The following CCDC28B variants were observed in gnomAD, a reference collection of about 807,000 sequenced individuals.
CCDC28B encodes coiled-coil domain containing 28B, also known as coiled-coil domain-containing protein 28B.
In CCDC28B, 17 loss-of-function variants were observed where a neutral mutation model predicts 18.7. The observed-to-expected ratio is 0.91, with a 90% confidence interval of 0.62 to 1.36. The LOEUF (loss-of-function observed/expected upper bound fraction) is 1.36, where lower values mean the gene tolerates loss of function less well. Among genes scored for constraint, CCDC28B ranks in the 40% most tolerant of loss-of-function variants. The probability of loss-of-function intolerance (pLI) is 0.00; values close to 1 mark genes in which losing one functional copy is unlikely to be tolerated. For missense variants in CCDC28B, 213 were observed against 251.7 expected, an observed-to-expected ratio of 0.85 and a Z score of 1.04; for synonymous variants, 116 against 105.1, an observed-to-expected ratio of 1.10 and a Z score of -0.64.
At chr1:32,202,292 T>C (rs1278063722) in intron 2 of CCDC28B, 193 bp downstream of exon 2, 2 of 730,834 alleles carry the variant, frequency 2.7e-6, no homozygotes, top group Non-Finnish European at 2.4e-6. Context: ...GCCAGGTGGG[T>C]CACTGGGATC....
At position 32,205,135 on chromosome 1, in the gene CCDC28B, G is replaced by C; in HGVS notation, c.549-59G>C. ...TGAGGGAACTAAACCTGTGCAAGATGGGAGACCGGGGTGGGAGGAAGGACT... is the reference window on the plus strand; with the variant it reads ...TGAGGGAACTAAACCTGTGCAAGATCGGAGACCGGGGTGGGAGGAAGGACT... On this transcript the variant is annotated intron_variant, in intron 5 of 5. Coordinates refer to ENST00000373602, the MANE Select transcript of CCDC28B (RefSeq NM_024296.5). The surrounding 1 kb of genome is among the most constrained non-coding windows in gnomAD (Gnocchi z 5.6). The C allele has an allele frequency of 6.3e-7, 1 of 1,598,706 alleles. No individual in the cohort carries two copies. Among genetic ancestry groups the C allele is most frequent in the Non-Finnish European group, 8.6e-7 (1 of 1,168,810 alleles).
Position 32,205,314 on chromosome 1 carries a change from G to A in CCDC28B, c.*66G>A. 6.7e-7 allele frequency: 1 copy of A among 1,492,252 alleles called. No homozygotes were observed. The highest frequency in any genetic ancestry group is 9.0e-7 in the Non-Finnish European group (1 of 1,106,224). The allele number at this position is 1,492,252 out of a possible 1,614,324, so 92.4% of individuals were successfully genotyped here. A position where few individuals can be genotyped will look rare whatever the true frequency, so the allele number is the denominator to read the frequency against. The stretch of plus-strand genomic sequence containing the variant: ...AAACTGTGACTTTTTACAGACTCGG[G>A]CGGGTGTTCTGCGGCCCCCCAGGTG... On this transcript the variant is annotated 3_prime_UTR_variant, in exon 6 of 6. Coordinates refer to ENST00000373602, the MANE Select transcript of CCDC28B (RefSeq NM_024296.5). The surrounding 1 kb of genome is among the most constrained non-coding windows in gnomAD (Gnocchi z 5.6).
chr1:32,205,279 C>T lies in CCDC28B; in HGVS notation c.*31C>T. On this transcript the variant is annotated 3_prime_UTR_variant, in exon 6 of 6. Coordinates refer to ENST00000373602, the MANE Select transcript of CCDC28B (RefSeq NM_024296.5). The surrounding 1 kb of genome is among the most constrained non-coding windows in gnomAD (Gnocchi z 5.6). ...CCACGCAGGCCCACACTGCCCCTCTCATTCTCTTCAAACTGTGACTTTTTA... is the reference window on the plus strand; with the variant it reads ...CCACGCAGGCCCACACTGCCCCTCTTATTCTCTTCAAACTGTGACTTTTTA... 1 of 1,585,896 alleles carries T rather than the reference C, an allele frequency of 6.3e-7. No individual in the cohort carries two copies. The highest frequency in any genetic ancestry group is 8.6e-7 in the Non-Finnish European group (1 of 1,163,188).
chr1:32,198,470 C>A (rs1048260995), upstream of CCDC28B, among the ~76,000 whole-genome samples: 1 of 152,250 alleles, frequency 6.6e-6, no homozygotes, highest in Admixed American at 6.5e-5. Flanking sequence ...TTCACTTGAG[C>A]TGCCTGAGTG....
chr1:32,198,711 C>T (rs944431724), upstream of CCDC28B, among the ~76,000 whole-genome samples: 2 of 152,124 alleles, frequency 1.3e-5, no homozygotes, highest in Admixed American at 6.6e-5. Context: ...AGATGAACGT[C>T]ATTTAGTGAT....
chr1:32,199,129 C>T (rs1643090888), upstream of CCDC28B, among the ~76,000 whole-genome samples: 1 of 152,202 alleles, frequency 6.6e-6, no homozygotes, highest in South Asian at 2.1e-4. Flanking sequence ...CTGGTGGCCT[C>T]ACCCAGCACC....
intron 2 of CCDC28B, among the ~76,000 whole-genome samples, chr1:32,203,318 C>T (rs1044960956): frequency 1.1e-4 from 16 of 151,722 alleles, no homozygotes; most frequent in African/African-American, 3.6e-4. Context: ...ATTAGCAGGG[C>T]ATAGTGGCAG....
At chr1:32,204,115 T>C in intron 3 of CCDC28B, 70 bp downstream of exon 3, 1 of 1,602,766 alleles carries the variant, frequency 6.2e-7, no homozygotes. Flanking sequence ...GGGGCATGGC[T>C]GGGACCATGG....
chr1:32,199,554 G>C (rs901742148), upstream of CCDC28B, among the ~76,000 whole-genome samples: 1 of 152,186 alleles, frequency 6.6e-6, no homozygotes, highest in Admixed American at 6.5e-5. Flanking sequence ...GTTGTCCCCA[G>C]TCTGGGCCCC....
At chr1:32,196,815 T>A (rs1274485273), upstream of CCDC28B, 3 of 152,256 alleles carry the variant, frequency 2.0e-5, no homozygotes, top group Non-Finnish European at 2.9e-5. Context: ...ATAAGTTGGT[T>A]CACAAAGAAT....
chr1:32,204,133 G>A (rs1209914376), intron 3 of CCDC28B, 53 bp from the exon 4 acceptor site: 1 of 1,608,604 alleles, frequency 6.2e-7, no homozygotes, highest in Non-Finnish European at 8.5e-7. Flanking sequence ...TGGTTCCAGG[G>A]TTCCAGGGTT....
At chr1:32,203,812 C>A in intron 2 of CCDC28B, 67 bp from the exon 3 acceptor site, 1 of 1,306,242 alleles carries the variant, frequency 7.7e-7, no homozygotes, top group Non-Finnish European at 1.0e-6. Context: ...AGGCAGATGG[C>A]ACAAAAGATC....
At chr1:32,204,089 G>C in intron 3 of CCDC28B, 44 bp downstream of exon 3, 1 of 1,587,118 alleles carries the variant, frequency 6.3e-7, no homozygotes, top group Non-Finnish European at 8.6e-7. Context: ...GGATAGGGCT[G>C]TAGGGCCCAG....
At position 32,201,243 on chromosome 1, in the gene CCDC28B, C is replaced by A. The variant is rs1207014007; in HGVS notation, c.-24+534C>A. ...AGTCCACCCTGGCTGCAGCTGAAGC[C>A]CAGCAGGGACTTTCCGACTGGGAAA... On this transcript the variant is annotated intron_variant, in intron 1 of 5. Coordinates refer to ENST00000373602, the MANE Select transcript of CCDC28B (RefSeq NM_024296.5). Among the ~76,000 whole-genome samples the A allele has an allele frequency of 2.0e-5, 3 of 152,184 alleles. No homozygotes were observed. In the East Asian group the frequency reaches 5.8e-4, roughly 29 times the overall value.
chr1:32,199,792 C>T (rs937391618), upstream of CCDC28B, among the ~76,000 whole-genome samples: 5 of 152,194 alleles, frequency 3.3e-5, no homozygotes, highest in East Asian at 1.9e-4. Flanking sequence ...CCTGCTGAGC[C>T]GCCTGGCCAA....
chr1:32,197,848 G>T (rs890494596), upstream of CCDC28B: 2 of 152,206 alleles, frequency 1.3e-5, no homozygotes, highest in Admixed American at 6.5e-5. This position sits in a 1 kb window ranked among gnomAD's most constrained non-coding sequence, Gnocchi z 4.6. Flanking sequence ...TTTCCATGAG[G>T]TTATCGGACC....
chr1:32,200,614 C>G lies in CCDC28B; in HGVS notation c.-119C>G, dbSNP rs1643126522. On this transcript the variant is annotated 5_prime_UTR_variant, in exon 1 of 6. Transcript: ENST00000373602. ...CTCTTTAAATGCAAATGAACTCCCT[C>G]CAGCTTAGCTTTCACCCGGTGGTGT... is the stretch of plus-strand genomic sequence containing the variant. 6.6e-6 allele frequency: 1 copy of G among 152,270 alleles called. No homozygotes were observed. The highest frequency in any genetic ancestry group is 2.1e-4 in the South Asian group (1 of 4,836). The allele number at this position is 152,270 out of a possible 1,614,324, so 9.4% of individuals were successfully genotyped here.
At chr1:32,201,182 T>G (rs1643140393) in intron 1 of CCDC28B, among the ~76,000 whole-genome samples, 1 of 152,154 alleles carries the variant, frequency 6.6e-6, no homozygotes, top group African/African-American at 2.4e-5. Context: ...GGCGCAGCCT[T>G]TGTCGGAGGC....
At position 32,202,072 on chromosome 1, in the gene CCDC28B, C is replaced by T. The variant is rs755878722; in HGVS notation, c.137C>T (p.Ser46Phe). The stretch of plus-strand genomic sequence containing the variant: ...GCCCTAGGACTTCCTCATCTGCCAT[C>T]CCCCAAGCAGCGGGCCAAGTTCAAG... Reference protein sequence around the residue: ...SLALGLPHLPSPKQRAKFKRV... With the variant: ...SLALGLPHLPFPKQRAKFKRV... Residue 46 changes from serine (S) to phenylalanine (F), a missense_variant, in exon 2 of 6, where the codon TCC becomes TTC. Physicochemically the swap from Ser to Phe is radical, Grantham distance 155. Transcript: ENST00000373602. 6.8e-6 allele frequency: 11 copies of T among 1,613,118 alleles called. No individual in the cohort carries two copies. The South Asian group carries it at 1.1e-4, about 16-fold the overall frequency.
Sources: gnomAD v4.1 joint callset for allele counts (sites outside exome capture counted in the v4.1 genomes callset) on GRCh38, gnomAD v4.1.1 for gene constraint, Gnocchi (gnomAD v3.1) non-coding constraint, MANE v1.5 for transcripts, NCBI Gene and HGNC (gene_info 2026-07-23, HGNC 2026-07-21) for gene names.